Variants in INO80D observed in about 807,000 individuals in gnomAD.
The protein encoded by INO80D is INO80 complex subunit D.
INO80D carries 21 observed loss-of-function variants against 87.6 expected under a neutral mutation model. The observed-to-expected ratio is 0.24, with a 90% confidence interval of 0.17 to 0.35. INO80D has a LOEUF of 0.35. Ranked by LOEUF, INO80D falls within the 10% of genes least tolerant of loss-of-function variation. INO80D has a pLI of 1.00. For synonymous variants in INO80D, 440 were observed against 491.0 expected (o/e 0.90, Z 1.37); for missense variants, 982 against 1,280.7 (o/e 0.77, Z 3.56).
intron 1 of INO80D, among the ~76,000 whole-genome samples, chr2:206,065,090 G>C (rs1324872815): frequency 6.6e-6 from 1 of 152,118 alleles, no homozygotes; most frequent in Non-Finnish European, 1.5e-5. Flanking sequence ...ATGGATCAAA[G>C]ACCTAATTGT....
At chr2:206,045,396 G>A (rs1011939142) in intron 5 of INO80D, among the ~76,000 whole-genome samples, 1 of 152,080 alleles carries the variant, frequency 6.6e-6, no homozygotes, top group Non-Finnish European at 1.5e-5. Flanking sequence ...CCTCTACATT[G>A]CTGAATATCT....
chr2:206,005,291 T>A lies in INO80D; in HGVS notation c.2161A>T (p.Ile721Leu). 1.9e-6 allele frequency: 3 copies of A among 1,613,990 alleles called. No homozygotes were observed. The highest frequency in any genetic ancestry group is 2.5e-6 in the Non-Finnish European group (3 of 1,179,888). Residue 721 changes from isoleucine (I) to leucine (L), a missense_variant, in exon 11 of 11, where the codon ATA becomes TTA. Ile to Leu is a conservative substitution (Grantham distance 5, BLOSUM62 2). Transcript: ENST00000403263. ...TDLGELLNGRIVHDNFSSLEL... is the reference protein window; with the variant it reads ...TDLGELLNGRLVHDNFSSLEL... ...AGACTAGAAAAATTATCATGTACTATACGCCCATTCAATAGCTCCCCTAGG... is the reference window on the plus strand; with the variant it reads ...AGACTAGAAAAATTATCATGTACTAAACGCCCATTCAATAGCTCCCCTAGG...
chr2:206,084,813 G>T, intron 1 of INO80D: 1 of 152,336 alleles, frequency 6.6e-6, no homozygotes. Context: ...AGGCAATAGG[G>T]AAAGATTGTC....
At chr2:206,010,623 C>G (rs1351885034) in intron 8 of INO80D, among the ~76,000 whole-genome samples, 1 of 151,966 alleles carries the variant, frequency 6.6e-6, no homozygotes, top group Non-Finnish European at 1.5e-5. Flanking sequence ...TATTTTAAGA[C>G]TAATAACTAT....
At chr2:206,063,357 A>C in intron 1 of INO80D, 113 bp from the exon 2 acceptor site, 1 of 423,968 alleles carries the variant, frequency 2.4e-6, no homozygotes, top group Non-Finnish European at 4.1e-6. Context: ...TCTTCACTGT[A>C]AATCAACATC....
At chr2:206,068,543 C>T (rs751651484) in intron 1 of INO80D, among the ~76,000 whole-genome samples, 5 of 152,110 alleles carry the variant, frequency 3.3e-5, no homozygotes, top group Admixed American at 3.3e-4. Flanking sequence ...TACTTTTGTG[C>T]TATAATGGTA....
chr2:206,051,213 A>T (rs1689357898), intron 4 of INO80D, among the ~76,000 whole-genome samples: 1 of 152,016 alleles, frequency 6.6e-6, no homozygotes, highest in Admixed American at 6.6e-5. Flanking sequence ...CCTACAATGG[A>T]TATTTCTTTT....
At chr2:206,030,330 G>C (rs1264322318) in intron 5 of INO80D, among the ~76,000 whole-genome samples, 1 of 152,146 alleles carries the variant, frequency 6.6e-6, no homozygotes, top group Non-Finnish European at 1.5e-5. Context: ...AGGTGTAGTG[G>C]TGTATTCCTG....
chr2:206,079,134 G>A (rs1210210868), intron 1 of INO80D, among the ~76,000 whole-genome samples: 1 of 151,866 alleles, frequency 6.6e-6, no homozygotes, highest in Non-Finnish European at 1.5e-5. Flanking sequence ...GTGCAGTGGT[G>A]TGATCAAGAT....
chr2:206,058,647 A>G (rs947928835), intron 3 of INO80D, among the ~76,000 whole-genome samples: 2 of 151,850 alleles, frequency 1.3e-5, no homozygotes, highest in Non-Finnish European at 2.9e-5. Context: ...AGGTACAAGA[A>G]TCGCTTGAAC....
chr2:206,004,974 A>G lies in INO80D; in HGVS notation c.2478T>C (p.His826=), dbSNP rs747064972. 23 of 1,613,880 alleles carry G rather than the reference A, an allele frequency of 1.4e-5. No individual in the cohort carries two copies. The highest frequency in any genetic ancestry group is 1.8e-5 in the Non-Finnish European group (21 of 1,179,886). The change falls in exon 11 of 11, where the codon CAT becomes CAC. Residue 826 remains histidine (H), a synonymous_variant. Coordinates refer to ENST00000403263, the MANE Select transcript of INO80D (RefSeq NM_017759.5). This position sits in a 1 kb window ranked among gnomAD's most constrained non-coding sequence, Gnocchi z 4.9. ...CATGCTCACTATCATAATGGCTTCC[A>G]TGGGGTGAGGAGTGTGAGTGATCAC... ...YSSDHSHSSP[H]GSHYDSEHVP... is the part of the protein sequence containing the mutation.
chr2:206,062,298 TTCAG>T lies in INO80D; in HGVS notation c.218+497_218+500del, dbSNP rs2105890119. 6.6e-6 allele frequency among the ~76,000 whole-genome samples: 1 copy of T among 152,332 alleles called. No individual in the cohort carries two copies. The highest frequency in any genetic ancestry group is 2.1e-4 in the South Asian group (1 of 4,826). On this transcript the variant is annotated intron_variant, in intron 3 of 10. Transcript: ENST00000403263. This position sits in a 1 kb window ranked among gnomAD's most constrained non-coding sequence, Gnocchi z 4.6. ...ATTCAAGTAGTTTTTTAAAATTTTC[TTCAG>T]TAAGTATATATCCTTTACTAACTTC...
intron 1 of INO80D, among the ~76,000 whole-genome samples, chr2:206,066,712 G>C (rs1390900861): frequency 1.3e-5 from 2 of 151,812 alleles, no homozygotes; most frequent in Admixed American, 1.3e-4. Flanking sequence ...GGCTGAGGCA[G>C]GAGAATCACT....
chr2:206,034,619 A>G (rs1272238847), intron 5 of INO80D, among the ~76,000 whole-genome samples: 1 of 150,998 alleles, frequency 6.6e-6, no homozygotes, highest in Non-Finnish European at 1.5e-5. Flanking sequence ...CATCTATAAC[A>G]AACCCACAGC....
At chr2:206,006,487 A>C (rs1452713567) in intron 10 of INO80D, among the ~76,000 whole-genome samples, 1 of 151,950 alleles carries the variant, frequency 6.6e-6, no homozygotes, top group South Asian at 2.1e-4. Context: ...GTTCGAGACC[A>C]GCCTGACCAA....
Position 206,005,054 on chromosome 2 carries a change from C to T in INO80D, c.2398G>A (p.Ala800Thr). 2 of 1,613,924 alleles carry T rather than the reference C, an allele frequency of 1.2e-6. No homozygotes were observed. The highest frequency in any genetic ancestry group is 1.7e-6 in the Non-Finnish European group (2 of 1,179,880). ...GSHASQRPHP[A>T]QLLSKADDLI... ...TCATCTGCCTTGCTCAGCAGCTGGG[C>T]AGGATGTGGCCTCTGGGAGGCATGG... is the stretch of plus-strand genomic sequence containing the variant. The change falls in exon 11 of 11, where the codon GCC becomes ACC. Residue 800 changes from alanine to threonine, a missense_variant. By Grantham distance (58) the Ala-to-Thr change is moderately conservative. Coordinates refer to ENST00000403263, the MANE Select transcript of INO80D (RefSeq NM_017759.5).
At chr2:206,042,779 G>A (rs1689088303) in intron 5 of INO80D, among the ~76,000 whole-genome samples, 1 of 151,954 alleles carries the variant, frequency 6.6e-6, no homozygotes, top group Admixed American at 6.5e-5. Context: ...GAAGCAAGGA[G>A]TTTGAGACCA....
intron 5 of INO80D, among the ~76,000 whole-genome samples, chr2:206,038,793 C>G (rs2105850841): frequency 6.6e-6 from 1 of 151,928 alleles, no homozygotes; most frequent in South Asian, 2.1e-4. Context: ...AGAGTGAGAC[C>G]CTGTCTCAGA....
At chr2:206,080,646 G>A (rs887636379) in intron 1 of INO80D, among the ~76,000 whole-genome samples, 25 of 151,960 alleles carry the variant, frequency 1.6e-4, no homozygotes, top group African/African-American at 4.8e-4. Context: ...GGTGGCTCAC[G>A]CCTGTTATCC....
Sources: allele counts gnomAD v4.1 joint callset (sites outside exome capture counted in the v4.1 genomes callset), GRCh38; gene constraint gnomAD v4.1.1; non-coding constraint Gnocchi (gnomAD v3.1); transcripts MANE v1.5; gene names NCBI Gene and HGNC (gene_info 2026-07-23, HGNC 2026-07-21).